The following TENM2 variants were observed in gnomAD, a reference collection of about 807,000 sequenced individuals.
TENM2 encodes the protein teneurin transmembrane protein 2.
A neutral mutation model predicts 245.2 loss-of-function variants in TENM2; 52 were observed. That is an observed-to-expected ratio of 0.21 (90% CI 0.17 to 0.27). TENM2 has a LOEUF of 0.27. Among genes scored for constraint, TENM2 ranks in the 10% least tolerant of loss-of-function variants. TENM2 has a pLI of 1.00. For synonymous variants in TENM2, 1,363 were observed against 1,438.9 expected (o/e 0.95, Z 1.19); for missense variants, 3,046 against 3,666.8 (o/e 0.83, Z 4.37).
chr5:167,109,491 T>C, the TENM2 span, among the ~76,000 whole-genome samples: 3 of 152,322 alleles, frequency 2.0e-5, no homozygotes, highest in Non-Finnish European at 2.9e-5. Context: ...TTTATGAAGG[T>C]TGGCTTACCT....
intron 2 of TENM2, among the ~76,000 whole-genome samples, chr5:167,797,476 T>G (rs1027911821): frequency 6.6e-6 from 1 of 152,224 alleles, no homozygotes; most frequent in African/African-American, 2.4e-5. Flanking sequence ...TGGACTAATT[T>G]GAAACTGGAA....
the TENM2 span, among the ~76,000 whole-genome samples, chr5:167,029,293 C>G: frequency 6.6e-6 from 1 of 152,092 alleles, no homozygotes; most frequent in African/African-American, 2.4e-5. Flanking sequence ...GATCCTTGAC[C>G]TGTACTATTC....
chr5:167,358,554 A>C, intron 1 of TENM2, among the ~76,000 whole-genome samples: 1 of 147,990 alleles, frequency 6.8e-6, no homozygotes, highest in Non-Finnish European at 1.5e-5. Context: ...TCTCTTCTTC[A>C]CTCCAAGCTC....
intron 2 of TENM2, among the ~76,000 whole-genome samples, chr5:167,459,911 A>AACACAT (rs1766178156): frequency 6.7e-6 from 1 of 149,576 alleles, no homozygotes; most frequent in Non-Finnish European, 1.5e-5. Context: ...TATAAAGATA[A>AACACAT]ACACACACAC....
intron 23 of TENM2, among the ~76,000 whole-genome samples, chr5:168,222,805 A>C: frequency 6.6e-6 from 1 of 152,104 alleles, no homozygotes; most frequent in Non-Finnish European, 1.5e-5. Flanking sequence ...TCTATTTTCT[A>C]TCTTGGTTTA....
At chr5:166,999,435 G>A in the TENM2 span, among the ~76,000 whole-genome samples, 1 of 152,220 alleles carries the variant, frequency 6.6e-6, no homozygotes, top group Non-Finnish European at 1.5e-5. Context: ...AAGGCAGATT[G>A]TCTGGTGGCA....
At chr5:168,006,693 G>A (rs1399245414) in intron 5 of TENM2, among the ~76,000 whole-genome samples, 1 of 152,204 alleles carries the variant, frequency 6.6e-6, no homozygotes, top group Non-Finnish European at 1.5e-5. Flanking sequence ...TGACTGTGGA[G>A]CCTGTTCACG....
intron 12 of TENM2, among the ~76,000 whole-genome samples, chr5:168,131,457 T>C (rs1562197513): frequency 1.3e-5 from 2 of 152,184 alleles, no homozygotes; most frequent in African/African-American, 4.8e-5. Flanking sequence ...GGCCCTTCTA[T>C]TTTTCCTCTT....
At chr5:167,122,087 G>A in the TENM2 span, among the ~76,000 whole-genome samples, 1 of 152,048 alleles carries the variant, frequency 6.6e-6, no homozygotes, top group Non-Finnish European at 1.5e-5. Flanking sequence ...ATTTCTGCCC[G>A]TAGTATTGCA....
intron 1 of TENM2, among the ~76,000 whole-genome samples, chr5:167,292,659 C>A (rs142030018): frequency 6.6e-6 from 1 of 152,196 alleles, no homozygotes; most frequent in Non-Finnish European, 1.5e-5. Flanking sequence ...TAAAAGGCAA[C>A]TGCAATTTGT....
chr5:167,059,708 C>CTTT, the TENM2 span, among the ~76,000 whole-genome samples: 1,026 of 142,800 alleles, frequency 7.2e-3, 14 homozygotes, highest in African/African-American at 0.022. Flanking sequence ...AAGTAAATGT[C>CTTT]TTTTTTTTTT....
rs1763354192 is a variant in TENM2 at position 168,218,058 on chromosome 5, G to A, written c.4234-67G>A. On this transcript the variant is annotated intron_variant, in intron 22 of 28. Coordinates refer to ENST00000518659, the Ensembl canonical transcript of TENM2. This position sits in a 1 kb window ranked among gnomAD's most constrained non-coding sequence, Gnocchi z 5.2. ...TTTCCTAGATATATAAAACCAGTAA[G>A]TGCCGTACGGTTAAACGTTGGACAT... The A allele has an allele frequency of 5.9e-6, 9 of 1,519,800 alleles. No individual in the cohort carries two copies. The highest frequency in any genetic ancestry group is 8.0e-6 in the Non-Finnish European group (9 of 1,119,884). The allele number at this position is 1,519,800 out of a possible 1,614,324, so 94.1% of individuals were successfully genotyped here. A position where few individuals can be genotyped will look rare whatever the true frequency, so the allele number is the denominator to read the frequency against.
intron 2 of TENM2, among the ~76,000 whole-genome samples, chr5:167,789,328 G>A (rs1195209408): frequency 6.6e-6 from 1 of 152,186 alleles, no homozygotes; most frequent in Non-Finnish European, 1.5e-5. Context: ...CCCATTGTGG[G>A]AAGCCAGAAC....
At chr5:167,640,826 TAGAA>T (rs1444239756) in intron 2 of TENM2, among the ~76,000 whole-genome samples, 1 of 122,700 alleles carries the variant, frequency 8.1e-6, no homozygotes, top group Non-Finnish European at 1.8e-5. Context: ...AAAATAGAAA[TAGAA>T]ATATATATAT....
At chr5:167,519,792 T>C (rs1770630813) in intron 2 of TENM2, among the ~76,000 whole-genome samples, 1 of 152,196 alleles carries the variant, frequency 6.6e-6, no homozygotes, top group Non-Finnish European at 1.5e-5. Flanking sequence ...CAAATTGTGA[T>C]TGTTTTTTAA....
chr5:167,690,920 AGTATGTGTGTGTGTGTGTGT>A (rs1395330738), intron 2 of TENM2, among the ~76,000 whole-genome samples: 4 of 136,462 alleles, frequency 2.9e-5, no homozygotes, highest in African/African-American at 1.1e-4. Flanking sequence ...CGTATATGCG[AGTATGTGTGTGTGTGTGTGT>A]GTGTGTGTGT....
intron 2 of TENM2, among the ~76,000 whole-genome samples, chr5:167,748,250 G>T (rs572359899): frequency 4.6e-5 from 7 of 152,208 alleles, no homozygotes; most frequent in African/African-American, 1.7e-4. Context: ...AAATTATTTT[G>T]TGGTACGGAT....
chr5:167,505,086 G>C (rs1338466423), intron 2 of TENM2, among the ~76,000 whole-genome samples: 4 of 152,048 alleles, frequency 2.6e-5, no homozygotes, highest in African/African-American at 9.7e-5. Context: ...GGGATGGATT[G>C]TATCTATTCC....
intron 3 of TENM2, among the ~76,000 whole-genome samples, chr5:167,910,205 T>C (rs1184277908): frequency 6.6e-6 from 1 of 152,144 alleles, no homozygotes; most frequent in African/African-American, 2.4e-5. Context: ...CAGACATCAC[T>C]AATCGATCAC....
Sources: allele counts gnomAD v4.1 joint callset (sites outside exome capture counted in the v4.1 genomes callset), GRCh38; gene constraint gnomAD v4.1.1; non-coding constraint Gnocchi (gnomAD v3.1); transcripts MANE v1.5; gene names NCBI Gene and HGNC (gene_info 2026-07-23, HGNC 2026-07-21).